The following AP3B1 variants were observed in gnomAD, a reference collection of about 807,000 sequenced individuals.
The protein encoded by AP3B1 is AP-3 complex subunit beta-1.
A neutral mutation model predicts 132.5 loss-of-function variants in AP3B1; 61 were observed. The ratio of observed to expected loss-of-function variants is 0.46; its 90% CI spans 0.37 to 0.57. The LOEUF is 0.57. Among genes scored for constraint, AP3B1 ranks in the 20% least tolerant of loss-of-function variants. The pLI is 0.00. For synonymous variants in AP3B1, 388 were observed against 438.3 expected (o/e 0.89, Z 1.43); for missense variants, 1,120 against 1,289.4 (o/e 0.87, Z 2.01).
At chr5:78,281,858 G>A (rs1749071521) in intron 1 of AP3B1, among the ~76,000 whole-genome samples, 2 of 152,170 alleles carry the variant, frequency 1.3e-5, no homozygotes, top group South Asian at 4.2e-4. Flanking sequence ...TAATGCCACT[G>A]AACTGCACAC....
chr5:78,175,930 T>G, intron 9 of AP3B1, 92 bp from the exon 10 acceptor site: 2 of 1,019,016 alleles, frequency 2.0e-6, no homozygotes, highest in Non-Finnish European at 3.1e-6. Flanking sequence ...TTAGCAATAA[T>G]TTCAAGTGAA....
At chr5:78,274,923 A>T (rs561588183) in intron 1 of AP3B1, among the ~76,000 whole-genome samples, 25 of 121,280 alleles carry the variant, frequency 2.1e-4, no homozygotes, top group African/African-American at 5.0e-4. Context: ...TCTTTTTTTT[A>T]AAAAAAAAGG....
rs529201216 is a variant in AP3B1, at chr5:78,008,734, G to T, written c.3132-5679C>A. Among the ~76,000 whole-genome samples the T allele has an allele frequency of 8.5e-4, 130 of 152,240 alleles. 1 individual carries two copies. The highest frequency in any genetic ancestry group is 2.8e-3 in the African/African-American group (118 of 41,554). ...TGTTTCTGTTTATACAATGAAGAAG[G>T]TTGACAGTAGTATCAGGGCTTATAC... is the stretch of plus-strand genomic sequence containing the variant. On this transcript the variant is annotated intron_variant, in intron 26 of 26. Coordinates refer to ENST00000255194, the MANE Select transcript of AP3B1 (RefSeq NM_003664.5).
intron 19 of AP3B1, among the ~76,000 whole-genome samples, chr5:78,112,020 G>A (rs1325389155): frequency 1.3e-5 from 2 of 152,208 alleles, no homozygotes; most frequent in East Asian, 1.9e-4. Flanking sequence ...ACCTTGGAGT[G>A]TAAAATTTAA....
intron 1 of AP3B1, among the ~76,000 whole-genome samples, chr5:78,289,051 T>C (rs1243169212): frequency 6.6e-6 from 1 of 151,926 alleles, no homozygotes; most frequent in East Asian, 1.9e-4. Context: ...TGAGACACAA[T>C]GACTCTTTGA....
chr5:78,037,879 T>TG (rs1747870090), intron 23 of AP3B1, among the ~76,000 whole-genome samples: 1 of 152,074 alleles, frequency 6.6e-6, no homozygotes, highest in Admixed American at 6.5e-5. Flanking sequence ...TATCTCCACT[T>TG]ACAAAAACCA....
At chr5:78,213,741 G>A (rs188513702) in intron 7 of AP3B1, among the ~76,000 whole-genome samples, 31 of 152,256 alleles carry the variant, frequency 2.0e-4, no homozygotes, top group East Asian at 3.9e-4. Flanking sequence ...CCTCTAAGGC[G>A]TCAACCAAGA....
At chr5:78,281,716 CTGTG>C (rs1221324850) in intron 1 of AP3B1, among the ~76,000 whole-genome samples, 1 of 152,006 alleles carries the variant, frequency 6.6e-6, no homozygotes, top group African/African-American at 2.4e-5. Flanking sequence ...AGATGGGACT[CTGTG>C]TGTATGTAGG....
chr5:78,279,869 T>TATATATATGACTTAA (rs1748968778), intron 1 of AP3B1, among the ~76,000 whole-genome samples: 2 of 109,856 alleles, frequency 1.8e-5, no homozygotes, highest in Non-Finnish European at 3.9e-5. Context: ...AGGACTTAAA[T>TATATATATGACTTAA]ATATATATAT....
chr5:78,172,191 T>C (rs138940351), intron 11 of AP3B1, among the ~76,000 whole-genome samples: 1 of 152,358 alleles, frequency 6.6e-6, no homozygotes, highest in Non-Finnish European at 1.5e-5. Flanking sequence ...GATACTGGTC[T>C]AAAATCCTCT....
intron 2 of AP3B1, among the ~76,000 whole-genome samples, chr5:78,258,089 C>T (rs1171956303): frequency 6.6e-6 from 1 of 152,230 alleles, no homozygotes; most frequent in Non-Finnish European, 1.5e-5. Flanking sequence ...ATCTCCAGGA[C>T]ATTGGTCTGG....
At chr5:78,232,793 G>A (rs532165619) in intron 3 of AP3B1, among the ~76,000 whole-genome samples, 1 of 152,036 alleles carries the variant, frequency 6.6e-6, no homozygotes, top group South Asian at 2.1e-4. Flanking sequence ...TGCAGCCTCT[G>A]CCTCCTGGGT....
At position 78,067,582 on chromosome 5, in the gene AP3B1, G is replaced by A. The variant is rs149666072; in HGVS notation, c.2577+21811C>T. Among the ~76,000 whole-genome samples, 474 of 152,236 alleles carry A rather than the reference G, an allele frequency of 3.1e-3. 2 individuals carry two copies. Among genetic ancestry groups the A allele is most frequent in the African/African-American group, 0.011 (449 of 41,516 alleles). ...TCTTAACAGTCTCTCAGACTATAGC[G>A]CAATCAAATTGGAATTCAAGGTTAA... On this transcript the variant is annotated intron_variant, in intron 22 of 26. Transcript: ENST00000255194.
intron 2 of AP3B1, among the ~76,000 whole-genome samples, chr5:78,258,376 A>T (rs150272623): frequency 6.6e-6 from 1 of 152,346 alleles, no homozygotes; most frequent in Admixed American, 6.5e-5. Context: ...GGGGCAAAAG[A>T]TTTGAAAAGA....
chr5:78,114,450 T>C (rs913787081), intron 18 of AP3B1, among the ~76,000 whole-genome samples: 1 of 152,116 alleles, frequency 6.6e-6, no homozygotes, highest in Non-Finnish European at 1.5e-5. Context: ...TAAAGAGTTA[T>C]TACTTATTCG....
chr5:78,227,679 T>C lies in AP3B1; in HGVS notation c.376-147A>G, dbSNP rs562487876. 36 of 726,304 alleles carry C rather than the reference T, an allele frequency of 5.0e-5. No individual in the cohort carries two copies. In the East Asian group the frequency reaches 8.5e-4, roughly 17 times the overall value. 45.0% of individuals were successfully genotyped at this position (726,304 alleles called of 1,614,324 possible). On this transcript the variant is annotated intron_variant, in intron 4 of 26. Coordinates refer to ENST00000255194, the MANE Select transcript of AP3B1 (RefSeq NM_003664.5). ...TAATTTAAAATGAACAATTAGTATA[T>C]AGGAATGGGAAAAAAAGACAGACAT...
intron 17 of AP3B1, among the ~76,000 whole-genome samples, chr5:78,124,208 C>T (rs919052636): frequency 6.6e-6 from 1 of 151,750 alleles, no homozygotes; most frequent in African/African-American, 2.4e-5. Flanking sequence ...TGGGGTGGGG[C>T]GAGTGGGGAG....
chr5:78,293,972 G>A (rs564884044), intron 1 of AP3B1, among the ~76,000 whole-genome samples: 2 of 152,156 alleles, frequency 1.3e-5, no homozygotes, highest in South Asian at 4.2e-4. Flanking sequence ...CATTCAAACA[G>A]CCTAAATCCA....
intron 21 of AP3B1, among the ~76,000 whole-genome samples, chr5:78,098,061 TTAAACAG>T (rs1750962623): frequency 6.6e-6 from 1 of 151,314 alleles, no homozygotes; most frequent in East Asian, 1.9e-4. Flanking sequence ...ATGTGCTTTG[TTAAACAG>T]ATGCTTGAAG....
Sources: allele counts gnomAD v4.1 joint callset (sites outside exome capture counted in the v4.1 genomes callset), GRCh38; gene constraint gnomAD v4.1.1; transcripts MANE v1.5; gene names NCBI Gene and HGNC (gene_info 2026-07-23, HGNC 2026-07-21).